The following PCNX2 variants were observed in gnomAD, a reference collection of about 807,000 sequenced individuals.
PCNX2 encodes the protein pecanex-like protein 2.
Under a neutral mutation model 223.8 loss-of-function variants are expected in PCNX2, and 168 were observed. The observed-to-expected ratio is 0.75, with a 90% CI of 0.66 to 0.85. The LOEUF is 0.85. Ranked by LOEUF, PCNX2 falls within the 40% of genes least tolerant of loss-of-function variation. The probability of loss-of-function intolerance (pLI) is 0.00; values close to 1 mark genes in which losing one functional copy is unlikely to be tolerated. For synonymous variants in PCNX2, 1,006 were observed against 1,052.6 expected (o/e 0.96, Z 0.86); for missense variants, 2,507 against 2,675.5 (o/e 0.94, Z 1.39).
At position 233,095,770 on chromosome 1, in the gene PCNX2, G is replaced by GCTGA; in HGVS notation, c.3927_3930dup (p.Leu1311SerfsTer56). Reference sequence around the variant, plus strand: ...GAAAGGATACGAGGAATGGCAAAGAGCTGAGCAAACACGTGAAACGAAGAA... The same window carrying GCTGA: ...GAAAGGATACGAGGAATGGCAAAGAGCTGACTGAGCAAACACGTGAAACGAAGAA... On this transcript the variant is annotated frameshift_variant, in exon 22 of 34. Coordinates refer to ENST00000258229, the MANE Select transcript of PCNX2 (RefSeq NM_014801.4). LOFTEE classifies it high-confidence loss of function. 1 of 1,606,712 alleles carries GCTGA rather than the reference G, an allele frequency of 6.2e-7. No homozygotes were observed. Among genetic ancestry groups the GCTGA allele is most frequent in the East Asian group, 2.2e-5 (1 of 44,752 alleles).
chr1:233,261,195 A>G, intron 4 of PCNX2, 90 bp downstream of exon 4: 1 of 1,219,210 alleles, frequency 8.2e-7, no homozygotes, highest in South Asian at 1.2e-5. Context: ...TCTTATTTTC[A>G]ATTAATCCAC....
intron 25 of PCNX2, among the ~76,000 whole-genome samples, chr1:233,029,846 A>T (rs1053884659): frequency 3.9e-5 from 6 of 152,196 alleles, no homozygotes; most frequent in Non-Finnish European, 7.3e-5. Flanking sequence ...GACGATTACA[A>T]ATCTCACATG....
chr1:233,265,478 C>T lies in PCNX2; in HGVS notation c.154-2315G>A, dbSNP rs149638029. ...AGACAATTATGAGCTAGGTGCCTCC[C>T]GCATCCCACTCTTTTCCTCTTTACT... is the stretch of plus-strand genomic sequence containing the variant. On this transcript the variant is annotated intron_variant, in intron 1 of 33. Coordinates refer to ENST00000258229, the MANE Select transcript of PCNX2 (RefSeq NM_014801.4). 2.3e-4 allele frequency among the ~76,000 whole-genome samples: 35 copies of T among 152,236 alleles called. No homozygotes were observed. In the East Asian group the frequency reaches 5.0e-3, roughly 22 times the overall value.
chr1:233,198,193 G>A (rs889465937), intron 15 of PCNX2, among the ~76,000 whole-genome samples: 5 of 152,190 alleles, frequency 3.3e-5, no homozygotes, highest in Non-Finnish European at 7.4e-5. Flanking sequence ...AATACTTGCT[G>A]TGCTATTTCT....
At chr1:233,161,774 A>C (rs566744800) in intron 17 of PCNX2, among the ~76,000 whole-genome samples, 2 of 152,216 alleles carry the variant, frequency 1.3e-5, no homozygotes, top group African/African-American at 4.8e-5. Context: ...CTGATAAAGG[A>C]GGTCAAAGTG....
Position 232,983,884 on chromosome 1 carries a change from A to G in PCNX2, c.*420T>C, listed in dbSNP as rs977386400. ...ATGTATAAAGTGCCGATGATGTAAC[A>G]TGCAGTTGTCTTATTTTCATCAGGG... On this transcript the variant is annotated 3_prime_UTR_variant, in exon 34 of 34. Coordinates refer to ENST00000258229, the MANE Select transcript of PCNX2 (RefSeq NM_014801.4). 4.5e-5 allele frequency: 7 copies of G among 156,656 alleles called. No homozygotes were observed. Among genetic ancestry groups the G allele is most frequent in the African/African-American group, 7.2e-5 (3 of 41,752 alleles). The allele number at this position is 156,656 out of a possible 1,614,324, so 9.7% of individuals were successfully genotyped here.
At chr1:233,046,809 G>T (rs1178125215) in intron 25 of PCNX2, among the ~76,000 whole-genome samples, 1 of 152,138 alleles carries the variant, frequency 6.6e-6, no homozygotes, top group Non-Finnish European at 1.5e-5. Context: ...GTATGTTGTT[G>T]TAATATTGAC....
At chr1:233,140,345 T>A (rs1235287030) in intron 19 of PCNX2, among the ~76,000 whole-genome samples, 1 of 152,152 alleles carries the variant, frequency 6.6e-6, no homozygotes, top group African/African-American at 2.4e-5. Context: ...CACAGCTGAC[T>A]CCCAAACCCC....
At chr1:233,161,142 G>T in intron 18 of PCNX2, 129 bp downstream of exon 18, 1 of 732,194 alleles carries the variant, frequency 1.4e-6, no homozygotes, top group Non-Finnish European at 2.3e-6. Flanking sequence ...CATTCCCTAA[G>T]CCTCTCAGCG....
chr1:233,311,783 A>G, the PCNX2 span, among the ~76,000 whole-genome samples: 16 of 152,252 alleles, frequency 1.1e-4, no homozygotes, highest in Admixed American at 1.0e-3. Flanking sequence ...GAATGTATTG[A>G]TAACTATAAT....
chr1:233,267,620 A>G (rs1660409913), intron 1 of PCNX2, among the ~76,000 whole-genome samples: 1 of 151,708 alleles, frequency 6.6e-6, no homozygotes, highest in African/African-American at 2.4e-5. Flanking sequence ...CATATAGTAC[A>G]TGACCTTTTG....
At chr1:233,119,204 G>A (rs61470065) in intron 21 of PCNX2, among the ~76,000 whole-genome samples, 29,095 of 151,320 alleles carry the variant, frequency 0.19, 2,951 homozygotes, top group African/African-American at 0.25. Flanking sequence ...CCTAAGTCTC[G>A]TAATTCATAT....
chr1:233,290,903 C>A (rs1214885573), intron 1 of PCNX2: 1 of 985,256 alleles, frequency 1.0e-6, no homozygotes. Flanking sequence ...ATATGCCAGG[C>A]CTGGAAAATT....
intron 19 of PCNX2, among the ~76,000 whole-genome samples, chr1:233,140,800 A>G (rs976134637): frequency 1.3e-5 from 2 of 152,126 alleles, no homozygotes; most frequent in South Asian, 4.1e-4. Flanking sequence ...CTGCTTCCCA[A>G]CTTGAGGAGA....
At position 233,058,892 on chromosome 1, in the gene PCNX2, C is replaced by T. The variant is rs1376141232; in HGVS notation, c.4077-1602G>A. Among the ~76,000 whole-genome samples the T allele has an allele frequency of 5.3e-5, 8 of 152,000 alleles. No individual in the cohort carries two copies. In the South Asian group the frequency reaches 1.0e-3, roughly 20 times the overall value. On this transcript the variant is annotated intron_variant, in intron 23 of 33. Transcript: ENST00000258229. Reference sequence around the variant, plus strand: ...GTTGACCAGGATGGTCTCGCTCTCTCGACCTCATGATCCACCTGCCTTGGC... The same window carrying T: ...GTTGACCAGGATGGTCTCGCTCTCTTGACCTCATGATCCACCTGCCTTGGC...
chr1:233,036,621 C>T (rs1671464972), intron 25 of PCNX2, among the ~76,000 whole-genome samples: 1 of 141,990 alleles, frequency 7.0e-6, no homozygotes, highest in Admixed American at 6.8e-5. Context: ...CAGAGCAAGA[C>T]TCCATCTCAA....
At chr1:233,241,079 T>A (rs1658733891) in intron 8 of PCNX2, 3 of 753,282 alleles carry the variant, frequency 4.0e-6, no homozygotes, top group African/African-American at 1.9e-5. Context: ...CCCAGCAACA[T>A]GTTCAACATG....
At position 232,986,630 on chromosome 1, in the gene PCNX2, G is replaced by GC. The variant is rs552310390; in HGVS notation, c.5792-91dup. 642 of 1,260,516 alleles carry GC rather than the reference G, an allele frequency of 5.1e-4. 5 individuals are homozygous for GC. In the South Asian group the frequency reaches 9.5e-3, roughly 19 times the overall value. The allele number at this position is 1,260,516 out of a possible 1,614,324, so 78.1% of individuals were successfully genotyped here. ...GCAGCAGGTGGCCTGCTCTGCCTGG[G>GC]CCCAAGGACCCCTCCTCAGTGCACC... On this transcript the variant is annotated intron_variant, in intron 32 of 33. Transcript: ENST00000258229.
At chr1:233,078,091 T>G (rs1163989588) in intron 23 of PCNX2, among the ~76,000 whole-genome samples, 2 of 152,230 alleles carry the variant, frequency 1.3e-5, no homozygotes, top group East Asian at 3.8e-4. Flanking sequence ...AGAGTCAGTC[T>G]TAGAAACATG....
Sources: gnomAD v4.1 joint callset for allele counts (sites outside exome capture counted in the v4.1 genomes callset) on GRCh38, gnomAD v4.1.1 for gene constraint, MANE v1.5 for transcripts, NCBI Gene and HGNC (gene_info 2026-07-23, HGNC 2026-07-21) for gene names.